ARFGAP3: variants seen among roughly 807,000 people sequenced by gnomAD.
ARFGAP3 encodes ADP-ribosylation factor GTPase-activating protein 3.
A neutral mutation model predicts 75.0 loss-of-function variants in ARFGAP3; 72 were observed. The ratio of observed to expected loss-of-function variants is 0.96; its 90% CI spans 0.79 to 1.17. ARFGAP3 has a LOEUF of 1.17. ARFGAP3 is among the 50% of genes most tolerant of loss of function. The pLI, the probability that ARFGAP3 is intolerant of heterozygous loss-of-function variation, is 0.00. For missense variants in ARFGAP3, 620 were observed against 626.6 expected, an observed-to-expected ratio of 0.99 and a Z score of 0.11; for synonymous variants, 221 against 217.9, an observed-to-expected ratio of 1.01 and a Z score of -0.13.
intron 14 of ARFGAP3, among the ~76,000 whole-genome samples, chr22:42,806,728 G>T (rs751078035): frequency 1.3e-5 from 2 of 152,240 alleles, no homozygotes; most frequent in Non-Finnish European, 2.9e-5. Flanking sequence ...ACAGCTAGAG[G>T]GTGGTGAGGA....
intron 11 of ARFGAP3, among the ~76,000 whole-genome samples, chr22:42,812,102 T>G (rs1925389530): frequency 6.6e-6 from 1 of 151,486 alleles, no homozygotes; most frequent in African/African-American, 2.4e-5. Context: ...TAATGGGGCA[T>G]GGTGGCACGC....
chr22:42,807,405 C>T (rs375096622), intron 13 of ARFGAP3: 23 of 258,988 alleles, frequency 8.9e-5, no homozygotes, highest in East Asian at 3.5e-4. Flanking sequence ...ATGGCCAGTG[C>T]GGAGGCCGTC....
chr22:42,838,077 T>C (rs1205029749), intron 3 of ARFGAP3, among the ~76,000 whole-genome samples: 4 of 151,954 alleles, frequency 2.6e-5, no homozygotes, highest in African/African-American at 9.7e-5. Context: ...CACCTCTACC[T>C]GACAAAATTG....
rs1011955554 is a variant in ARFGAP3 at position 42,824,167 on chromosome 22, G to A, written c.626-465C>T. ...TCACAGGTGCGCACCACCACATCTG[G>A]CTATTTTTTTTTTTTTTTTTTTTTT... is the stretch of plus-strand genomic sequence containing the variant. On this transcript the variant is annotated intron_variant, in intron 7 of 15. Transcript: ENST00000263245. Among the ~76,000 whole-genome samples, 5 of 127,234 alleles carry A rather than the reference G, an allele frequency of 3.9e-5. No homozygotes were observed. In the East Asian group the frequency reaches 9.0e-4, roughly 23 times the overall value. 83.5% of individuals were successfully genotyped at this position (127,234 alleles called of 152,430 possible).
At chr22:42,850,602 T>C (rs981591358) in intron 1 of ARFGAP3, among the ~76,000 whole-genome samples, 2 of 129,546 alleles carry the variant, frequency 1.5e-5, no homozygotes, top group Admixed American at 8.0e-5. Context: ...AAAAAAGATA[T>C]ACTTTATAGG....
chr22:42,807,360 A>G, intron 13 of ARFGAP3, 197 bp from the exon 14 acceptor site: 1 of 673,322 alleles, frequency 1.5e-6, no homozygotes, highest in Non-Finnish European at 1.8e-6. Flanking sequence ...GGCAGGTCAC[A>G]GGCAGACTGA....
chr22:42,824,468 C>T lies in ARFGAP3; in HGVS notation c.626-766G>A, dbSNP rs114281184. On this transcript the variant is annotated intron_variant, in intron 7 of 15. Transcript: ENST00000263245. ...AACTCCTGTATTCAAGTGATCCTCT[C>T]GTCTCAGCCTCCCTAGTAGCTGGGA... Among the ~76,000 whole-genome samples the T allele has an allele frequency of 9.7e-3, 1,467 of 151,440 alleles. 17 individuals carry two copies. Among genetic ancestry groups the T allele is most frequent in the African/African-American group, 0.033 (1,355 of 41,306 alleles).
intron 14 of ARFGAP3, among the ~76,000 whole-genome samples, chr22:42,802,711 C>G (rs1924930474): frequency 6.6e-6 from 1 of 151,060 alleles, no homozygotes; most frequent in South Asian, 2.1e-4. Flanking sequence ...ACGCCATTCT[C>G]CTGCCTCAGC....
chr22:42,825,809 A>G (rs889512772), intron 7 of ARFGAP3, among the ~76,000 whole-genome samples: 1 of 152,162 alleles, frequency 6.6e-6, no homozygotes, highest in African/African-American at 2.4e-5. Flanking sequence ...TTTTACTTAT[A>G]GGTTATATAT....
At chr22:42,799,181 C>G in intron 14 of ARFGAP3, 21 bp from the exon 15 acceptor site, 2 of 1,612,896 alleles carry the variant, frequency 1.2e-6, no homozygotes, top group Non-Finnish European at 1.7e-6. Context: ...ACAGCAGACA[C>G]TGTCTCATCA....
chr22:42,854,250 G>A (rs1202445600), intron 1 of ARFGAP3, among the ~76,000 whole-genome samples: 1 of 152,206 alleles, frequency 6.6e-6, no homozygotes, highest in Non-Finnish European at 1.5e-5. Flanking sequence ...GGTGCTTAAT[G>A]AATACTTGTT....
intron 4 of ARFGAP3, 133 bp downstream of exon 4, chr22:42,835,229 G>T: frequency 1.0e-6 from 1 of 1,000,962 alleles, no homozygotes; most frequent in Non-Finnish European, 1.4e-6. Flanking sequence ...TACTTCAATA[G>T]TAAGAATCTA....
intron 1 of ARFGAP3, among the ~76,000 whole-genome samples, chr22:42,850,857 G>T (rs190637616): frequency 3.7e-4 from 57 of 152,368 alleles, no homozygotes; most frequent in African/African-American, 1.0e-3. Flanking sequence ...TGTCAGACAT[G>T]TGACAGGTGA....
chr22:42,857,046 G>T (rs2146598051), intron 1 of ARFGAP3, 68 bp downstream of exon 1: 2 of 1,437,928 alleles, frequency 1.4e-6, no homozygotes, highest in Non-Finnish European at 1.8e-6. Flanking sequence ...GGGCACTGGC[G>T]CCCGCGGGGC....
chr22:42,802,221 A>G (rs1283281118), intron 14 of ARFGAP3, among the ~76,000 whole-genome samples: 1 of 151,796 alleles, frequency 6.6e-6, no homozygotes, highest in Non-Finnish European at 1.5e-5. Flanking sequence ...TTCTGATCAT[A>G]TGGGTCTATG....
chr22:42,831,294 A>C (rs920604012), intron 6 of ARFGAP3, among the ~76,000 whole-genome samples: 18 of 151,442 alleles, frequency 1.2e-4, no homozygotes, highest in Non-Finnish European at 2.1e-4. Flanking sequence ...CTCAAAAAAA[A>C]AAAAAAAAAG....
At chr22:42,852,368 C>CT (rs893000344) in intron 1 of ARFGAP3, among the ~76,000 whole-genome samples, 26 of 149,356 alleles carry the variant, frequency 1.7e-4, no homozygotes, top group Admixed American at 4.0e-4. Flanking sequence ...TCTTGAAATT[C>CT]TTTTTTTTTG....
Position 42,799,031 on chromosome 22 carries a change from C to G in ARFGAP3, c.1533+8G>C. On this transcript the variant is annotated splice_region_variant and intron_variant, in intron 15 of 15. Coordinates refer to ENST00000263245, the MANE Select transcript of ARFGAP3 (RefSeq NM_014570.5). ...CATAGCCAGTGAGCACTGCCCCATT[C>G]CACTGACCTGAATTGAAGTCACGAC... The G allele has an allele frequency of 6.2e-7, 1 of 1,613,698 alleles. No individual in the cohort carries two copies. Among genetic ancestry groups the G allele is most frequent in the Non-Finnish European group, 8.5e-7 (1 of 1,179,582 alleles).
chr22:42,820,891 C>T (rs1925783629), intron 9 of ARFGAP3, among the ~76,000 whole-genome samples: 1 of 152,186 alleles, frequency 6.6e-6, no homozygotes, highest in Admixed American at 6.5e-5. Flanking sequence ...CAGTCTCCTC[C>T]CCTCTTCCTG....
Sources: allele counts gnomAD v4.1 joint callset (sites outside exome capture counted in the v4.1 genomes callset), GRCh38; gene constraint gnomAD v4.1.1; transcripts MANE v1.5; gene names NCBI Gene and HGNC (gene_info 2026-07-23, HGNC 2026-07-21).